Variants in SEC16A observed in about 807,000 individuals in gnomAD.
SEC16A encodes the protein protein transport protein Sec16A.
A neutral mutation model predicts 221.9 loss-of-function variants in SEC16A; 110 were observed. The ratio of observed to expected loss-of-function variants is 0.50; its 90% CI spans 0.42 to 0.58. SEC16A has a LOEUF of 0.58. Ranked by LOEUF, SEC16A falls within the 20% of genes least tolerant of loss-of-function variation. The pLI, the probability that SEC16A is intolerant of heterozygous loss-of-function variation, is 0.00. For synonymous variants in SEC16A, 1,393 were observed against 1,257.7 expected (o/e 1.11, Z -2.28); for missense variants, 3,165 against 3,097.8 (o/e 1.02, Z -0.52).
rs1379302319 is a variant in SEC16A at position 136,476,637 on chromosome 9, G to A, written c.979C>T (p.His327Tyr). 3.2e-6 allele frequency: 5 copies of A among 1,578,208 alleles called. No homozygotes were observed. In the African/African-American group the frequency reaches 5.4e-5, roughly 17 times the overall value. The change falls in exon 3 of 32, where the codon CAC (histidine) becomes TAC (tyrosine). Residue 327 changes from histidine (H) to tyrosine (Y), a missense_variant. Physicochemically the swap from His to Tyr is moderately conservative, Grantham distance 83 (BLOSUM62 2). This residue lies in a region of SEC16A where 2,030 missense variants were observed against 1,923.1 expected (regional missense o/e 1.06). Transcript: ENST00000684901. ...LRQNPGVKNE[H>Y]RPASALVNPL... is the part of the protein sequence containing the mutation. ...TTCACAAGAGCAGAGGCGGGCCGGT[G>A]CTCATTCTTCACTCCTGGATTCTGC...
intron 31 of SEC16A, among the ~76,000 whole-genome samples, chr9:136,442,575 G>A (rs1836347423): frequency 6.6e-6 from 1 of 152,264 alleles, no homozygotes; most frequent in South Asian, 2.1e-4. Context: ...GCAAGGGAGA[G>A]GGGAGGAGAG....
At chr9:136,468,226 A>G (rs1840399615) in intron 5 of SEC16A, among the ~76,000 whole-genome samples, 189 bp downstream of exon 5, 1 of 152,286 alleles carries the variant, frequency 6.6e-6, no homozygotes, top group Non-Finnish European at 1.5e-5. Flanking sequence ...AAAAATATCA[A>G]TATAATTATT....
rs756133621 is a variant in SEC16A at position 136,476,364 on chromosome 9, C to G, written c.1252G>C (p.Val418Leu). 2 of 1,612,708 alleles carry G rather than the reference C, an allele frequency of 1.2e-6. No individual in the cohort carries two copies. Among genetic ancestry groups the G allele is most frequent in the African/African-American group, 2.7e-5 (2 of 74,946 alleles). Residue 418 changes from valine (V) to leucine (L), a missense_variant, in exon 3 of 32, where the codon GTG becomes CTG. By Grantham distance (32) the Val-to-Leu change is conservative. Transcript: ENST00000684901. The stretch of plus-strand genomic sequence containing the variant: ...GCCTGGCAGAGGCTGCCTGCCCCCA[C>G]GTGTGTAGGTGCGGGCGGACGGCCT... The part of the protein sequence containing the change: ...GLGRPPAPTH[V>L]GAGSLCQALL...
Position 136,445,628 on chromosome 9 carries a change from G to A in SEC16A, c.6867+17C>T. 1 of 1,545,074 alleles carries A rather than the reference G, an allele frequency of 6.5e-7. No homozygotes were observed. On this transcript the variant is annotated intron_variant, in intron 29 of 31. Coordinates refer to ENST00000684901, the MANE Select transcript of SEC16A (RefSeq NM_014866.2). The stretch of plus-strand genomic sequence containing the variant: ...GAGGCCTGGGCTGCGGGGGGCCCTG[G>A]CGTCGGCACTCCTTACCTCTCCTCC...
At chr9:136,468,003 A>G (rs11145755) in intron 5 of SEC16A, among the ~76,000 whole-genome samples, 17,085 of 152,292 alleles carry the variant, frequency 0.11, 1,359 homozygotes, top group Admixed American at 0.23. Context: ...AGCAGCTGCC[A>G]GCCTCCTGTG....
Position 136,454,604 on chromosome 9 carries a change from A to T in SEC16A, c.5858-277T>A, listed in dbSNP as rs187506158. On this transcript the variant is annotated intron_variant, in intron 20 of 31. Coordinates refer to ENST00000684901, the MANE Select transcript of SEC16A (RefSeq NM_014866.2). ...CAGGGCCCGGCCCACACGCAAGCCC[A>T]TGGCGGCCGCCTGGCACAGAGCTCT... Among the ~76,000 whole-genome samples the T allele has an allele frequency of 4.6e-5, 7 of 152,264 alleles. No individual in the cohort carries two copies. The East Asian group carries it at 1.4e-3, about 29-fold the overall frequency.
At chr9:136,460,194 G>A in intron 13 of SEC16A, 71 bp from the exon 14 acceptor site, 1 of 1,262,734 alleles carries the variant, frequency 7.9e-7, no homozygotes, top group Non-Finnish European at 1.1e-6. Flanking sequence ...CGGACATGAT[G>A]GCTCACGCCT....
rs781261154 is a variant in SEC16A at position 136,474,913 on chromosome 9, A to G, written c.2703T>C (p.Ser901=). Residue 901 remains serine, a synonymous_variant, in exon 3 of 32, where the codon AGT becomes AGC. Transcript: ENST00000684901. ...SSVLSLSLPS[S]VAQSNFPQGS... is the part of the protein sequence containing the mutation. ...CTTGTGGAAAATTACTTTGGGCAAC[A>G]CTGCTAGGCAGAGACAAGCTAAGGA... 1.2e-6 allele frequency: 2 copies of G among 1,613,888 alleles called. No individual in the cohort carries two copies. Among genetic ancestry groups the G allele is most frequent in the South Asian group, 2.2e-5 (2 of 91,084 alleles).
intron 5 of SEC16A, 135 bp downstream of exon 5, chr9:136,468,280 A>C: frequency 3.8e-6 from 2 of 520,112 alleles, no homozygotes; most frequent in Non-Finnish European, 6.9e-6. Flanking sequence ...TTTGGGCAAA[A>C]ACATAAAGAG....
intron 2 of SEC16A, among the ~76,000 whole-genome samples, 140 bp downstream of exon 2, chr9:136,478,569 C>T (rs77047428): frequency 0.017 from 2,660 of 152,218 alleles, 45 homozygotes; most frequent in Middle Eastern, 0.051. Flanking sequence ...GGTGCAGTGG[C>T]TCATGCCTGT....
At chr9:136,484,320 C>T, upstream of SEC16A, 1 of 1,099,250 alleles carries the variant, frequency 9.1e-7, no homozygotes, top group Non-Finnish European at 1.1e-6. Flanking sequence ...CCTGTGCCTG[C>T]CACGGCCAGG....
At position 136,476,111 on chromosome 9, in the gene SEC16A, G is replaced by T; in HGVS notation, c.1505C>A (p.Ala502Asp). 3 of 1,613,670 alleles carry T rather than the reference G, an allele frequency of 1.9e-6. No homozygotes were observed. Among genetic ancestry groups the T allele is most frequent in the Non-Finnish European group, 2.5e-6 (3 of 1,179,850 alleles). The change falls in exon 3 of 32, where the codon GCT (alanine) becomes GAT (aspartate). Residue 502 changes from alanine (A) to aspartate (D), a missense_variant. Physicochemically the swap from Ala to Asp is moderately radical, Grantham distance 126. Around this residue, in one of 3 missense-constraint regions of SEC16A, gnomAD observed 2,030 missense variants for 1,923.1 expected, o/e 1.06. Coordinates refer to ENST00000684901, the MANE Select transcript of SEC16A (RefSeq NM_014866.2). ...ATCAGGGGCTCCGGTGTGGCACACA[G>T]CACCATGCCTGGGCACAGCTGGCCC... The part of the protein sequence containing the change: ...LPGPAVPRHG[A>D]VCHTGAPDAT...
intron 22 of SEC16A, among the ~76,000 whole-genome samples, chr9:136,452,482 A>T (rs2132030539): frequency 7.4e-6 from 1 of 135,844 alleles, no homozygotes; most frequent in Non-Finnish European, 1.6e-5. Flanking sequence ...AAAAAAAGAG[A>T]TGGCCAGGTG....
At chr9:136,479,304 G>C (rs1842026262) in intron 1 of SEC16A, among the ~76,000 whole-genome samples, 1 of 152,174 alleles carries the variant, frequency 6.6e-6, no homozygotes, top group Non-Finnish European at 1.5e-5. Flanking sequence ...GATAAGTTTA[G>C]CCAATCAAAG....
At chr9:136,472,799 TG>T (rs1222150664) in intron 3 of SEC16A, among the ~76,000 whole-genome samples, 4 of 152,232 alleles carry the variant, frequency 2.6e-5, no homozygotes, top group African/African-American at 7.2e-5. Flanking sequence ...TGCCGCTGCC[TG>T]GCAGGAAATG....
chr9:136,448,018 C>A (rs1272707682), intron 24 of SEC16A, 66 bp downstream of exon 24: 4 of 1,541,482 alleles, frequency 2.6e-6, no homozygotes, highest in African/African-American at 2.7e-5. Context: ...CTCAGGTCTG[C>A]TCTGAAAGTG....
chr9:136,451,134 C>G (rs1837733481), intron 23 of SEC16A, 122 bp downstream of exon 23: 2 of 1,017,820 alleles, frequency 2.0e-6, no homozygotes, highest in Admixed American at 4.6e-5. Context: ...TGTAGACACT[C>G]GGCTGTTTGT....
upstream of SEC16A, chr9:136,484,351 C>T: frequency 3.5e-6 from 4 of 1,151,016 alleles, no homozygotes; most frequent in Non-Finnish European, 4.3e-6. Flanking sequence ...TCCACGCCCT[C>T]CCGCGGAAGA....
intron 20 of SEC16A, among the ~76,000 whole-genome samples, chr9:136,455,391 G>A (rs1838487603): frequency 6.6e-6 from 1 of 152,160 alleles, no homozygotes; most frequent in Admixed American, 6.5e-5. Flanking sequence ...AAAGCCATGA[G>A]CCTCCCCTCC....
Sources: gnomAD v4.1 joint callset for allele counts (sites outside exome capture counted in the v4.1 genomes callset) on GRCh38, gnomAD v4.1.1 for gene constraint, gnomAD v4.1.1 regional missense constraint, MANE v1.5 for transcripts, NCBI Gene and HGNC (gene_info 2026-07-23, HGNC 2026-07-21) for gene names.